The following BAIAP2 variants were observed in gnomAD, a reference collection of about 807,000 sequenced individuals.
The protein encoded by BAIAP2 is BAR/IMD domain containing adaptor protein 2, also known as BAR/IMD domain-containing adapter protein 2.
BAIAP2 carries 18 observed loss-of-function variants against 63.0 expected under a neutral mutation model. That is an observed-to-expected ratio of 0.29 (90% CI 0.20 to 0.42). The LOEUF is 0.42. Ranked by LOEUF, BAIAP2 falls within the 10% of genes least tolerant of loss-of-function variation. The pLI, the probability that BAIAP2 is intolerant of heterozygous loss-of-function variation, is 1.00. For missense variants in BAIAP2, 610 were observed against 734.3 expected (o/e 0.83, Z 1.96); for synonymous variants, 386 against 307.6 (o/e 1.25, Z -2.67).
intron 1 of BAIAP2, among the ~76,000 whole-genome samples, chr17:81,043,456 A>G (rs1040493175): frequency 6.6e-6 from 1 of 152,112 alleles, no homozygotes; most frequent in Non-Finnish European, 1.5e-5. Context: ...CTGCGGTCCG[A>G]CCGGTGGCAG....
At chr17:81,056,935 G>A (rs931997790) in intron 2 of BAIAP2, among the ~76,000 whole-genome samples, 5 of 152,228 alleles carry the variant, frequency 3.3e-5, no homozygotes, top group African/African-American at 4.8e-5. Flanking sequence ...CTGCTGTTGC[G>A]TTTTTCTTTT....
intron 1 of BAIAP2, chr17:81,036,921 A>C: frequency 2.6e-6 from 4 of 1,535,912 alleles, no homozygotes; most frequent in Non-Finnish European, 3.5e-6. Context: ...TCTGCGCTGA[A>C]ACCAGAAAGC....
rs2046036441 is a variant in BAIAP2 at position 81,035,197 on chromosome 17, C to CTGCTGCCGCCGCT, written c.-54_-42dup. On this transcript the variant is annotated 5_prime_UTR_variant, in exon 1 of 14. Transcript: ENST00000428708. ...CTCCGTCCTGCTGCCGTTACCGCCG[C>CTGCTGCCGCCGCT]TGCTGCCGCCGCTTGCGTCCCCCGC... The CTGCTGCCGCCGCT allele has an allele frequency of 7.2e-7, 1 of 1,394,042 alleles. No individual in the cohort carries two copies. The highest frequency in any genetic ancestry group is 9.6e-7 in the Non-Finnish European group (1 of 1,046,206). 86.4% of individuals were successfully genotyped at this position (1,394,042 alleles called of 1,614,324 possible).
At chr17:81,108,848 G>A (rs1459463960) in intron 13 of BAIAP2, 13 of 1,423,520 alleles carry the variant, frequency 9.1e-6, no homozygotes, top group Non-Finnish European at 1.1e-5. Flanking sequence ...GGGTCTTCCT[G>A]GAGGGTCAGG....
At chr17:81,087,515 G>T (rs1488862871) in intron 6 of BAIAP2, 1 of 152,222 alleles carries the variant, frequency 6.6e-6, no homozygotes, top group African/African-American at 2.4e-5. Context: ...CTGCTTAACT[G>T]CAGGGAAGCC....
Position 81,086,487 on chromosome 17 carries a change from C to T in BAIAP2, c.396C>T (p.Asp132=), listed in dbSNP as rs11539642. The change falls in exon 6 of 14, where the codon GAC becomes GAT. Residue 132 remains aspartate (D), a synonymous_variant. Transcript: ENST00000428708. Reference sequence around the variant, plus strand: ...AGACTGAGCAAAGGAGCAAAGGCGACGCCCTGGACAAGTGTCAGGCTGAGC... The same window carrying T: ...AGACTGAGCAAAGGAGCAAAGGCGATGCCCTGGACAAGTGTCAGGCTGAGC... ...KYQTEQRSKG[D]ALDKCQAELK... The T allele has an allele frequency of 9.3e-4, 1,494 of 1,614,068 alleles. 13 individuals carry two copies. The East Asian group carries it at 0.022, about 24-fold the overall frequency.
At chr17:81,048,356 CAAAAAAAA>C (rs5822388) in intron 1 of BAIAP2, among the ~76,000 whole-genome samples, 15 of 90,222 alleles carry the variant, frequency 1.7e-4, no homozygotes, top group Non-Finnish European at 2.8e-4. Context: ...GACTCTGTCT[CAAAAAAAA>C]AAAAAAAAAA....
At chr17:81,115,680 G>A (rs2060475252) in intron 13 of BAIAP2, 90 bp from the exon 14 acceptor site, 6 of 1,488,854 alleles carry the variant, frequency 4.0e-6, no homozygotes, top group Non-Finnish European at 5.6e-6. Flanking sequence ...ATCCAGCACT[G>A]GGGAATCCCT....
chr17:81,043,603 C>T (rs562741687), intron 1 of BAIAP2, among the ~76,000 whole-genome samples: 10 of 152,210 alleles, frequency 6.6e-5, no homozygotes, highest in Non-Finnish European at 8.8e-5. Context: ...ACTGCTCACA[C>T]TGGAGCGTCC....
chr17:81,116,710 T>TTCA lies in BAIAP2; in HGVS notation c.*873_*875dup, dbSNP rs2060559692. The TTCA allele has an allele frequency of 4.1e-6, 1 of 246,250 alleles. No homozygotes were observed. The highest frequency in any genetic ancestry group is 2.2e-5 in the African/African-American group (1 of 45,472). 15.3% of individuals were successfully genotyped at this position (246,250 alleles called of 1,614,324 possible). A position where few individuals can be genotyped will look rare whatever the true frequency, so the allele number is the denominator to read the frequency against. On this transcript the variant is annotated 3_prime_UTR_variant, in exon 14 of 14. Coordinates refer to ENST00000428708, the MANE Select transcript of BAIAP2 (RefSeq NM_001144888.2). ...CTGCTGGAATTGGGGGTTTTAAAAC[T>TTCA]TCATTAGCAGATTTGTGCTCTTCCA...
intron 5 of BAIAP2, 120 bp downstream of exon 5, chr17:81,085,845 G>C (rs1461766191): frequency 2.7e-6 from 2 of 753,106 alleles, no homozygotes; most frequent in Non-Finnish European, 4.4e-6. Flanking sequence ...CGTCCACATG[G>C]GCCCCAGCTC....
At chr17:81,093,768 G>A (rs2057192650) in intron 6 of BAIAP2, among the ~76,000 whole-genome samples, 1 of 152,172 alleles carries the variant, frequency 6.6e-6, no homozygotes, top group African/African-American at 2.4e-5. Context: ...TTTAAAGGGT[G>A]TATAATTAAC....
intron 3 of BAIAP2, among the ~76,000 whole-genome samples, chr17:81,062,616 G>A (rs906886904): frequency 3.3e-5 from 5 of 151,822 alleles, no homozygotes; most frequent in Admixed American, 1.3e-4. Context: ...TCAGAGCCCC[G>A]TGTTTTCTGG....
intron 6 of BAIAP2, among the ~76,000 whole-genome samples, chr17:81,091,187 C>CCCCAA (rs1478618352): frequency 2.7e-4 from 2 of 7,424 alleles, no homozygotes; most frequent in Non-Finnish European, 6.6e-4. Flanking sequence ...ATTTATGTGG[C>CCCCAA]CCCACCCCAC....
At chr17:81,100,414 C>T (rs1289638682) in intron 7 of BAIAP2, among the ~76,000 whole-genome samples, 1 of 152,156 alleles carries the variant, frequency 6.6e-6, no homozygotes, top group African/African-American at 2.4e-5. Flanking sequence ...AGGCAGGGGA[C>T]GGTCATGCTC....
rs1028271699 is a variant in BAIAP2, at chr17:81,104,958, GAGGGATCTCCCCCCAACAGC to G, written c.1268+261_1268+280del. The G allele has an allele frequency of 2.4e-4, 97 of 395,926 alleles. No homozygotes were observed. The South Asian group carries it at 2.6e-3, about 10-fold the overall frequency. The allele number at this position is 395,926 out of a possible 1,614,324, so 24.5% of individuals were successfully genotyped here. A position where few individuals can be genotyped will look rare whatever the true frequency, so the allele number is the denominator to read the frequency against. On this transcript the variant is annotated intron_variant, in intron 10 of 13. Coordinates refer to ENST00000428708, the MANE Select transcript of BAIAP2 (RefSeq NM_001144888.2). Reference sequence around the variant, plus strand: ...TCCCTGCAGGGGTCTTCCCCTACAGGAGGGATCTCCCCCCAACAGCAGGGATCTCCCCCCAACGGCAGGGA... The same window carrying G: ...TCCCTGCAGGGGTCTTCCCCTACAGGAGGGATCTCCCCCCAACGGCAGGGA...
intron 6 of BAIAP2, 56 bp downstream of exon 6, chr17:81,086,636 C>G: frequency 6.3e-7 from 1 of 1,595,596 alleles, no homozygotes; most frequent in Admixed American, 1.7e-5. Context: ...ACTGCTCACC[C>G]CTCGGCCCCC....
At chr17:81,054,944 C>A (rs1446431134) in intron 2 of BAIAP2, among the ~76,000 whole-genome samples, 1 of 152,086 alleles carries the variant, frequency 6.6e-6, no homozygotes, top group South Asian at 2.1e-4. Flanking sequence ...TGGACAGTGA[C>A]CCCCGGTCTC....
chr17:81,046,562 G>A lies in BAIAP2; in HGVS notation c.55-7106G>A, dbSNP rs1043294595. 6.6e-6 allele frequency among the ~76,000 whole-genome samples: 1 copy of A among 151,746 alleles called. No individual in the cohort carries two copies. Among genetic ancestry groups the A allele is most frequent in the Non-Finnish European group, 1.5e-5 (1 of 67,934 alleles). ...TGCTCCTGTGTGTGGGGTCAGCAGT[G>A]GCCCGCCCTGGAGGACGCTGCCACC... is the stretch of plus-strand genomic sequence containing the variant. On this transcript the variant is annotated intron_variant, in intron 1 of 13. Coordinates refer to ENST00000428708, the MANE Select transcript of BAIAP2 (RefSeq NM_001144888.2). This position sits in a 1 kb window ranked among gnomAD's most constrained non-coding sequence, Gnocchi z 4.5.
Sources: gnomAD v4.1 joint callset for allele counts (sites outside exome capture counted in the v4.1 genomes callset) on GRCh38, gnomAD v4.1.1 for gene constraint, Gnocchi (gnomAD v3.1) non-coding constraint, MANE v1.5 for transcripts, NCBI Gene and HGNC (gene_info 2026-07-23, HGNC 2026-07-21) for gene names.